RBPMS2: variants seen among roughly 807,000 people sequenced by gnomAD.
The protein encoded by RBPMS2 is RNA-binding protein with multiple splicing 2.
A neutral mutation model predicts 25.7 loss-of-function variants in RBPMS2; 14 were observed. That is an observed-to-expected ratio of 0.55 (90% CI 0.36 to 0.85). RBPMS2 has a LOEUF of 0.85. RBPMS2 is among the 40% of genes least tolerant of loss of function. The pLI is 0.01. For synonymous variants in RBPMS2, 127 were observed against 115.6 expected (o/e 1.10, Z -0.63); for missense variants, 252 against 283.4 (o/e 0.89, Z 0.80).
chr15:64,752,815 T>C (rs1348591088), intron 1 of RBPMS2, among the ~76,000 whole-genome samples: 1 of 152,152 alleles, frequency 6.6e-6, no homozygotes, highest in African/African-American at 2.4e-5. Flanking sequence ...TTTCACCACA[T>C]TGGTCACGCT....
chr15:64,758,708 G>A (rs1595791011), intron 1 of RBPMS2, among the ~76,000 whole-genome samples: 1 of 152,138 alleles, frequency 6.6e-6, no homozygotes, highest in African/African-American at 2.4e-5. Context: ...TCTTTTCTGA[G>A]GCAAGTCTTG....
intron 6 of RBPMS2, among the ~76,000 whole-genome samples, chr15:64,745,863 C>A (rs971820754): frequency 6.6e-6 from 1 of 152,192 alleles, no homozygotes; most frequent in Non-Finnish European, 1.5e-5. Context: ...AAAGGGCATG[C>A]AGCTGGGGTA....
intron 1 of RBPMS2, among the ~76,000 whole-genome samples, chr15:64,756,983 T>C (rs1399792585): frequency 6.8e-6 from 1 of 147,614 alleles, no homozygotes; most frequent in Non-Finnish European, 1.5e-5. Flanking sequence ...TTTTTTTTTT[T>C]TTTTTTGGAA....
In RBPMS2 at chr15:64,740,465, A is replaced by C. The variant is rs2083549605; in HGVS notation, c.*543T>G. The C allele has an allele frequency of 6.7e-6, 1 of 149,866 alleles. No individual in the cohort carries two copies. The highest frequency in any genetic ancestry group is 2.1e-4 in the South Asian group (1 of 4,680). The allele number at this position is 149,866 out of a possible 1,614,324, so 9.3% of individuals were successfully genotyped here. On this transcript the variant is annotated 3_prime_UTR_variant, in exon 8 of 8. Transcript: ENST00000300069. ...ATCTGTTGGGTGGAGGTGGGAGCTG[A>C]GCCTGGAAGCGTGTGGGGCCACGGA...
At position 64,749,042 on chromosome 15, in the gene RBPMS2, C is replaced by A. The variant is rs1253511028; in HGVS notation, c.376G>T (p.Val126Leu). ...KLMATPNPSN[V>L]HPALGAHFIA... ...AAGTGTGCTCCTAGGGCGGGGTGCA[C>A]GTTGCTGGGATTTGGAGTTGCCATT... Residue 126 changes from valine to leucine, a missense_variant, in exon 5 of 8, where the codon GTG becomes TTG. Transcript: ENST00000300069. 1 of 1,614,126 alleles carries A rather than the reference C, an allele frequency of 6.2e-7. No individual in the cohort carries two copies. Among genetic ancestry groups the A allele is most frequent in the Non-Finnish European group, 8.5e-7 (1 of 1,180,028 alleles).
At chr15:64,756,312 T>TCGAGACC (rs2083730722) in intron 1 of RBPMS2, among the ~76,000 whole-genome samples, 1 of 151,990 alleles carries the variant, frequency 6.6e-6, no homozygotes, top group Non-Finnish European at 1.5e-5. Flanking sequence ...GGTCAGGAGC[T>TCGAGACC]TGAGACCAGC....
At chr15:64,756,817 T>TCAG (rs1567067194) in intron 1 of RBPMS2, among the ~76,000 whole-genome samples, 4 of 149,048 alleles carry the variant, frequency 2.7e-5, no homozygotes, top group Non-Finnish European at 6.0e-5. Context: ...TTTTTTTTTT[T>TCAG]TTTGGAGAGA....
At chr15:64,770,747 C>T (rs564943198) in intron 1 of RBPMS2, among the ~76,000 whole-genome samples, 1 of 152,118 alleles carries the variant, frequency 6.6e-6, no homozygotes, top group Non-Finnish European at 1.5e-5. Context: ...GGAATTACCT[C>T]GCACTCATCT....
chr15:64,758,596 C>G, intron 1 of RBPMS2, among the ~76,000 whole-genome samples: 1 of 152,242 alleles, frequency 6.6e-6, no homozygotes. Flanking sequence ...AGACCCAGCC[C>G]TGCTGGAGGT....
At chr15:64,766,566 T>C (rs1304461369) in intron 1 of RBPMS2, among the ~76,000 whole-genome samples, 1 of 151,588 alleles carries the variant, frequency 6.6e-6, no homozygotes, top group African/African-American at 2.4e-5. Flanking sequence ...TCGCTCTGTA[T>C]CCCAGGCTGG....
At chr15:64,750,959 A>G (rs1381835003) in intron 2 of RBPMS2, among the ~76,000 whole-genome samples, 1 of 151,998 alleles carries the variant, frequency 6.6e-6, no homozygotes, top group Non-Finnish European at 1.5e-5. Flanking sequence ...AATCGCCTGA[A>G]CCCAGGAGGC....
Position 64,775,367 on chromosome 15 carries a change from G to A in RBPMS2, c.-48C>T. On this transcript the variant is annotated 5_prime_UTR_variant, in exon 1 of 8. Transcript: ENST00000300069. ...GAAGGAACGCGAGGGCGAGCGCGGCGCCGGCCCCGCGGGAAGTGGGAAGGG... is the reference window on the plus strand; with the variant it reads ...GAAGGAACGCGAGGGCGAGCGCGGCACCGGCCCCGCGGGAAGTGGGAAGGG... The A allele has an allele frequency of 8.9e-7, 1 of 1,128,954 alleles. No homozygotes were observed. 69.9% of individuals were successfully genotyped at this position (1,128,954 alleles called of 1,614,324 possible). A position where few individuals can be genotyped will look rare whatever the true frequency, so the allele number is the denominator to read the frequency against.
At chr15:64,760,957 T>A (rs999450528) in intron 1 of RBPMS2, among the ~76,000 whole-genome samples, 3 of 151,380 alleles carry the variant, frequency 2.0e-5, no homozygotes, top group Non-Finnish European at 4.4e-5. Context: ...CTTCTGTAAA[T>A]TCCTGTCTCA....
At chr15:64,772,122 T>C (rs1181564512) in intron 1 of RBPMS2, among the ~76,000 whole-genome samples, 2 of 152,212 alleles carry the variant, frequency 1.3e-5, no homozygotes, top group African/African-American at 2.4e-5. Context: ...GATTCATGGA[T>C]AGGGAACCCA....
At chr15:64,768,759 T>C (rs2083868620) in intron 1 of RBPMS2, among the ~76,000 whole-genome samples, 1 of 150,390 alleles carries the variant, frequency 6.6e-6, no homozygotes, top group African/African-American at 2.5e-5. Context: ...ATCATGCCAC[T>C]GCACTCCAGC....
At chr15:64,751,470 C>T (rs1041653591) in intron 2 of RBPMS2, 91 bp downstream of exon 2, 1 of 1,105,318 alleles carries the variant, frequency 9.0e-7, no homozygotes, top group Non-Finnish European at 1.4e-6. Flanking sequence ...CTTCCCGCAT[C>T]ATCCTGCTGC....
At chr15:64,762,399 C>A (rs750378161) in intron 1 of RBPMS2, 1 of 534,626 alleles carries the variant, frequency 1.9e-6, no homozygotes, top group Admixed American at 1.9e-5. Context: ...CCAGCCCAGA[C>A]CACAGAGCAC....
intron 1 of RBPMS2, among the ~76,000 whole-genome samples, chr15:64,760,759 G>A (rs1182144617): frequency 2.0e-5 from 3 of 151,614 alleles, no homozygotes; most frequent in East Asian, 3.9e-4. Context: ...CCGAGATCAC[G>A]TCATTGCACT....
At position 64,750,503 on chromosome 15, in the gene RBPMS2, C is replaced by G; in HGVS notation, c.166-122G>C. 3.5e-6 allele frequency: 3 copies of G among 854,200 alleles called. No homozygotes were observed. The South Asian group carries it at 4.2e-5, about 12-fold the overall frequency. The allele number at this position is 854,200 out of a possible 1,614,324, so 52.9% of individuals were successfully genotyped here. A position where few individuals can be genotyped will look rare whatever the true frequency, so the allele number is the denominator to read the frequency against. On this transcript the variant is annotated intron_variant, in intron 2 of 7. Transcript: ENST00000300069. ...ATTCTCACACCCTTCTCCCTGTCAA[C>G]ATCAACCCACCCTGACCTCCGCCAC...
Sources: allele counts gnomAD v4.1 joint callset (sites outside exome capture counted in the v4.1 genomes callset), GRCh38; gene constraint gnomAD v4.1.1; transcripts MANE v1.5; gene names NCBI Gene and HGNC (gene_info 2026-07-23, HGNC 2026-07-21).